The following STXBP5L variants were observed in gnomAD, a reference collection of about 807,000 sequenced individuals.
STXBP5L encodes syntaxin-binding protein 5-like.
In STXBP5L, 65 loss-of-function variants were observed where a neutral mutation model predicts 144.5. The observed-to-expected ratio is 0.45, with a 90% CI of 0.37 to 0.55. The LOEUF (loss-of-function observed/expected upper bound fraction) is 0.55. STXBP5L is among the 20% of genes least tolerant of loss of function. The pLI, the probability that STXBP5L is intolerant of heterozygous loss-of-function variation, is 0.00. For missense variants in STXBP5L, 1,298 were observed against 1,405.5 expected, an observed-to-expected ratio of 0.92 and a Z score of 1.22; for synonymous variants, 505 against 469.6, an observed-to-expected ratio of 1.08 and a Z score of -0.97.
intron 22 of STXBP5L, among the ~76,000 whole-genome samples, chr3:121,397,887 A>G (rs1358282565): frequency 6.6e-6 from 1 of 152,226 alleles, no homozygotes; most frequent in African/African-American, 2.4e-5. Context: ...AGCAGGTTGA[A>G]TTGGCCACGC....
At chr3:121,193,585 A>G (rs1041578914) in intron 9 of STXBP5L, among the ~76,000 whole-genome samples, 3 of 152,220 alleles carry the variant, frequency 2.0e-5, no homozygotes, top group Admixed American at 1.3e-4. Context: ...ATGTCCATCA[A>G]TGATAGACTG....
chr3:120,960,340 A>T (rs1473598820), intron 3 of STXBP5L, among the ~76,000 whole-genome samples: 1 of 152,194 alleles, frequency 6.6e-6, no homozygotes, highest in Non-Finnish European at 1.5e-5. Flanking sequence ...CCATTGTGGA[A>T]GTCAGTGTGG....
At chr3:121,117,287 G>C (rs1300206217) in intron 6 of STXBP5L, among the ~76,000 whole-genome samples, 1 of 151,604 alleles carries the variant, frequency 6.6e-6, no homozygotes, top group African/African-American at 2.4e-5. Context: ...GTGTTTTATC[G>C]AGTTGTACAT....
At position 121,421,774 on chromosome 3, in the gene STXBP5L, T is replaced by A. The variant is rs1056801409; in HGVS notation, c.*2677T>A. On this transcript the variant is annotated 3_prime_UTR_variant, in exon 27 of 27. Coordinates refer to ENST00000471454, the MANE Select transcript of STXBP5L (RefSeq NM_001308330.2). ...TATAGCATTTCACTGTAGAAGTGCTTAAAACCTTGGCCTCAGTGAATAGAT... is the reference window on the plus strand; with the variant it reads ...TATAGCATTTCACTGTAGAAGTGCTAAAAACCTTGGCCTCAGTGAATAGAT... 2.0e-5 allele frequency: 3 copies of A among 152,170 alleles called. No homozygotes were observed. Among genetic ancestry groups the A allele is most frequent in the Admixed American group, 2.0e-4 (3 of 15,266 alleles). The allele number at this position is 152,170 out of a possible 1,614,324, so 9.4% of individuals were successfully genotyped here. A position where few individuals can be genotyped will look rare whatever the true frequency, so the allele number is the denominator to read the frequency against.
chr3:121,359,824 G>T (rs1480432904), intron 20 of STXBP5L, among the ~76,000 whole-genome samples: 1 of 151,562 alleles, frequency 6.6e-6, no homozygotes, highest in Non-Finnish European at 1.5e-5. Flanking sequence ...TTTTATGCCA[G>T]TACCATGCTA....
chr3:121,422,040 A>G lies in STXBP5L; in HGVS notation c.*2943A>G, dbSNP rs767489294. ...GAGATGATAGCAATAAGAAGAATCT[A>G]ATGTGGATGTGATTTTTCTCTTTGA... On this transcript the variant is annotated 3_prime_UTR_variant, in exon 27 of 27. Transcript: ENST00000471454. 22 of 152,144 alleles carry G rather than the reference A, an allele frequency of 1.4e-4. No individual in the cohort carries two copies. Among genetic ancestry groups the G allele is most frequent in the Non-Finnish European group, 2.9e-4 (20 of 68,010 alleles). 9.4% of individuals were successfully genotyped at this position (152,144 alleles called of 1,614,324 possible).
At chr3:121,210,227 G>A (rs1362490202) in intron 10 of STXBP5L, among the ~76,000 whole-genome samples, 2 of 152,290 alleles carry the variant, frequency 1.3e-5, no homozygotes, top group South Asian at 2.1e-4. Context: ...CTGCATAAAT[G>A]TCTTCTTTTG....
At chr3:121,069,475 G>T (rs1458651839) in intron 5 of STXBP5L, among the ~76,000 whole-genome samples, 1 of 151,864 alleles carries the variant, frequency 6.6e-6, no homozygotes, top group Non-Finnish European at 1.5e-5. Context: ...GTATGTTTGT[G>T]AACATAAGTT....
chr3:121,051,475 C>T (rs1169712816), intron 5 of STXBP5L, among the ~76,000 whole-genome samples: 1 of 152,162 alleles, frequency 6.6e-6, no homozygotes, highest in African/African-American at 2.4e-5. Context: ...ACAACCTGCT[C>T]CTGAATGACT....
At chr3:121,031,163 A>G (rs1946341518) in intron 3 of STXBP5L, among the ~76,000 whole-genome samples, 2 of 152,252 alleles carry the variant, frequency 1.3e-5, no homozygotes, top group Admixed American at 6.5e-5. Context: ...GAATTTGAAT[A>G]TTATTCTCGT....
chr3:121,416,919 C>CT (rs2047253333), intron 25 of STXBP5L, among the ~76,000 whole-genome samples: 1 of 152,152 alleles, frequency 6.6e-6, no homozygotes, highest in South Asian at 2.1e-4. Context: ...TCAAAATTCT[C>CT]TTTCTCTGGA....
At chr3:121,299,426 C>T (rs2051797751) in intron 19 of STXBP5L, among the ~76,000 whole-genome samples, 1 of 152,014 alleles carries the variant, frequency 6.6e-6, no homozygotes. Context: ...ACCAAGGAAC[C>T]TAAATTGGAC....
At chr3:121,198,385 C>T (rs144903584) in intron 9 of STXBP5L, among the ~76,000 whole-genome samples, 3 of 151,812 alleles carry the variant, frequency 2.0e-5, no homozygotes, top group Non-Finnish European at 2.9e-5. Flanking sequence ...GGATATTAGA[C>T]CTTTGTCAGA....
intron 6 of STXBP5L, among the ~76,000 whole-genome samples, chr3:121,115,292 C>T (rs1308554854): frequency 6.6e-6 from 1 of 151,998 alleles, no homozygotes; most frequent in East Asian, 1.9e-4. Flanking sequence ...AATGTGATGA[C>T]AAAATAGTAA....
At chr3:120,941,823 A>G (rs1464721836) in intron 2 of STXBP5L, among the ~76,000 whole-genome samples, 1 of 151,748 alleles carries the variant, frequency 6.6e-6, no homozygotes, top group Non-Finnish European at 1.5e-5. Context: ...TGGGGAGACC[A>G]AAGTGCCATA....
intron 5 of STXBP5L, among the ~76,000 whole-genome samples, chr3:121,104,477 A>G (rs1325328947): frequency 6.6e-6 from 1 of 152,228 alleles, no homozygotes; most frequent in African/African-American, 2.4e-5. Context: ...TGGAGGCATC[A>G]CATGACCCGA....
chr3:121,293,495 A>G (rs542494218), intron 19 of STXBP5L, among the ~76,000 whole-genome samples: 2 of 152,148 alleles, frequency 1.3e-5, no homozygotes, highest in African/African-American at 4.8e-5. Context: ...TAACAAGGCT[A>G]TTTTTTAAAA....
Position 121,222,934 on chromosome 3 carries a change from G to C in STXBP5L, c.957-69G>C, listed in dbSNP as rs1031531391. On this transcript the variant is annotated intron_variant, in intron 10 of 26. Transcript: ENST00000471454. Reference sequence around the variant, plus strand: ...TATGCAACAAAACCTGTTCTTTATAGGTTCAGTCCTGTGACTTTGTGTCAT... The same window carrying C: ...TATGCAACAAAACCTGTTCTTTATACGTTCAGTCCTGTGACTTTGTGTCAT... 5.4e-6 allele frequency: 8 copies of C among 1,482,366 alleles called. No individual in the cohort carries two copies. In the East Asian group the frequency reaches 2.0e-4, roughly 36 times the overall value. The allele number at this position is 1,482,366 out of a possible 1,614,324, so 91.8% of individuals were successfully genotyped here. A position where few individuals can be genotyped will look rare whatever the true frequency, so the allele number is the denominator to read the frequency against.
chr3:121,170,249 A>T (rs1384696583), intron 9 of STXBP5L, among the ~76,000 whole-genome samples: 2 of 152,216 alleles, frequency 1.3e-5, no homozygotes, highest in East Asian at 1.9e-4. Flanking sequence ...AGTGGGAAAG[A>T]TCTAAAATTG....
Sources: gnomAD v4.1 joint callset for allele counts (sites outside exome capture counted in the v4.1 genomes callset) on GRCh38, gnomAD v4.1.1 for gene constraint, MANE v1.5 for transcripts, NCBI Gene and HGNC (gene_info 2026-07-23, HGNC 2026-07-21) for gene names.